ALPK1: variants seen among roughly 807,000 people sequenced by gnomAD.
ALPK1 encodes alpha-protein kinase 1.
Under a neutral mutation model 120.6 loss-of-function variants are expected in ALPK1, and 110 were observed. The observed-to-expected ratio is 0.91, with a 90% CI of 0.78 to 1.07. The LOEUF (loss-of-function observed/expected upper bound fraction) is 1.07, where lower values mean the gene tolerates loss of function less well. Ranked by LOEUF, ALPK1 falls within the 50% of genes least tolerant of loss-of-function variation. The pLI is 0.00. For synonymous variants in ALPK1, 582 were observed against 560.3 expected (o/e 1.04, Z -0.55); for missense variants, 1,498 against 1,483.9 (o/e 1.01, Z -0.16).
chr4:112,356,950 G>A, intron 2 of ALPK1: 1 of 762,930 alleles, frequency 1.3e-6, no homozygotes, highest in Non-Finnish European at 2.4e-6. Flanking sequence ...ACCCGAGTTC[G>A]GGACTGGACG....
At chr4:112,418,976 A>G (rs1283931393) in intron 5 of ALPK1, among the ~76,000 whole-genome samples, 2 of 152,226 alleles carry the variant, frequency 1.3e-5, no homozygotes, top group Non-Finnish European at 2.9e-5. Flanking sequence ...GAATAAACAA[A>G]AACAGTATGA....
At chr4:112,437,178 G>A (rs1051793455) in intron 12 of ALPK1, among the ~76,000 whole-genome samples, 9 of 152,072 alleles carry the variant, frequency 5.9e-5, no homozygotes, top group Admixed American at 5.9e-4. Flanking sequence ...TACGTACATA[G>A]AAATGTCAAT....
chr4:112,379,291 G>A (rs1273033560), intron 3 of ALPK1, among the ~76,000 whole-genome samples: 1 of 152,224 alleles, frequency 6.6e-6, no homozygotes, highest in African/African-American at 2.4e-5. Context: ...GGCAAATCAC[G>A]GCTGTAAAAT....
chr4:112,356,080 A>T, intron 2 of ALPK1: 1 of 1,024,356 alleles, frequency 9.8e-7, no homozygotes, highest in Non-Finnish European at 1.5e-6. Context: ...TTTCTCACAG[A>T]CCCGAATAGC....
intron 2 of ALPK1, among the ~76,000 whole-genome samples, chr4:112,354,554 G>A (rs893194107): frequency 2.0e-5 from 3 of 152,068 alleles, no homozygotes; most frequent in African/African-American, 7.2e-5. Flanking sequence ...TGCAGCCTCC[G>A]CCTCCCAGGT....
intron 2 of ALPK1, among the ~76,000 whole-genome samples, chr4:112,371,617 C>G (rs140106714): frequency 6.6e-6 from 1 of 152,226 alleles, no homozygotes; most frequent in South Asian, 2.1e-4. Flanking sequence ...TAGGTCAAGT[C>G]CTGTTGTTTG....
rs183756428 is a variant in ALPK1 at position 112,303,561 on chromosome 4, C to A, written c.-153+6092C>A. ...TCACTTGGTTCAGGCCATCAGCATC[C>A]TGCACCATACCGTGATCTCCTCCGT... is the stretch of plus-strand genomic sequence containing the variant. On this transcript the variant is annotated intron_variant, in intron 1 of 15. Coordinates refer to ENST00000650871, the MANE Select transcript of ALPK1 (RefSeq NM_025144.4). Among the ~76,000 whole-genome samples the A allele has an allele frequency of 1.1e-4, 16 of 152,276 alleles. 1 individual carries two copies. The East Asian group carries it at 3.1e-3, about 29-fold the overall frequency.
intron 2 of ALPK1, among the ~76,000 whole-genome samples, chr4:112,367,256 C>A (rs1387967575): frequency 1.3e-5 from 2 of 152,030 alleles, no homozygotes; most frequent in Non-Finnish European, 2.9e-5. Flanking sequence ...ACGGTTGATC[C>A]CAACTGTAAT....
intron 4 of ALPK1, among the ~76,000 whole-genome samples, chr4:112,406,596 C>T (rs552985171): frequency 3.3e-5 from 5 of 152,282 alleles, no homozygotes; most frequent in South Asian, 4.1e-4. Context: ...TCTTTCACCA[C>T]TAAACCAAGT....
intron 9 of ALPK1, 164 bp downstream of exon 9, chr4:112,427,829 A>G (rs1734309356): frequency 1.7e-6 from 1 of 589,988 alleles, no homozygotes; most frequent in Non-Finnish European, 3.0e-6. Context: ...GTGGGGTCCT[A>G]TTTGGCTTTA....
At chr4:112,306,301 T>A (rs1379090367) in intron 1 of ALPK1, among the ~76,000 whole-genome samples, 1 of 152,114 alleles carries the variant, frequency 6.6e-6, no homozygotes, top group Non-Finnish European at 1.5e-5. Context: ...TTTCTATTGA[T>A]TGGAATAGTT....
intron 1 of ALPK1, among the ~76,000 whole-genome samples, chr4:112,312,589 A>G (rs1395587756): frequency 2.0e-5 from 3 of 152,224 alleles, no homozygotes; most frequent in Non-Finnish European, 4.4e-5. Flanking sequence ...TTAAAAATAT[A>G]TTAAAGACAA....
At chr4:112,305,620 G>A (rs1360592200) in intron 1 of ALPK1, among the ~76,000 whole-genome samples, 1 of 152,078 alleles carries the variant, frequency 6.6e-6, no homozygotes, top group Non-Finnish European at 1.5e-5. Context: ...GACTGCAGAC[G>A]TTGCCTATCA....
chr4:112,436,480 A>T (rs1734794089), intron 12 of ALPK1, among the ~76,000 whole-genome samples: 1 of 152,206 alleles, frequency 6.6e-6, no homozygotes, highest in Non-Finnish European at 1.5e-5. Flanking sequence ...GGGATTGCAG[A>T]TGTAATTGGT....
At chr4:112,322,926 A>T (rs1225628016) in intron 2 of ALPK1, among the ~76,000 whole-genome samples, 1 of 152,230 alleles carries the variant, frequency 6.6e-6, no homozygotes, top group Non-Finnish European at 1.5e-5. Flanking sequence ...TTGCCAATGT[A>T]AAGTGTTGTT....
Position 112,431,082 on chromosome 4 carries a change from G to A in ALPK1, c.1535G>A (p.Cys512Tyr), listed in dbSNP as rs772725325. The A allele has an allele frequency of 1.3e-5, 21 of 1,614,116 alleles. No homozygotes were observed. The South Asian group carries it at 1.6e-4, about 13-fold the overall frequency. The change falls in exon 11 of 16, where the codon TGT (cysteine) becomes TAT (tyrosine). Residue 512 changes from cysteine to tyrosine, a missense_variant. Transcript: ENST00000650871. Reference protein sequence around the residue: ...TVSTTQEKPHCQRDTGISSSL... With the variant: ...TVSTTQEKPHYQRDTGISSSL... ...AGTACTACTCAAGAAAAGCCACATT[G>A]TCAAAGAGACACAGGAATATCTTCC...
chr4:112,321,118 C>T (rs1163502733), intron 2 of ALPK1, among the ~76,000 whole-genome samples: 3 of 151,986 alleles, frequency 2.0e-5, no homozygotes, highest in South Asian at 4.2e-4. Flanking sequence ...AGGATGGTCT[C>T]GATCTCCCGA....
chr4:112,318,097 G>T (rs1020105034), intron 2 of ALPK1, among the ~76,000 whole-genome samples: 5 of 152,108 alleles, frequency 3.3e-5, no homozygotes, highest in Non-Finnish European at 7.4e-5. Flanking sequence ...ATAAACAATT[G>T]TATTAGTTTA....
At chr4:112,357,285 C>A in intron 2 of ALPK1, 1 of 1,102,690 alleles carries the variant, frequency 9.1e-7, no homozygotes, top group Non-Finnish European at 1.3e-6. Context: ...TTCGCCAACA[C>A]AGCCGGACTG....
Sources: gnomAD v4.1 joint callset for allele counts (sites outside exome capture counted in the v4.1 genomes callset) on GRCh38, gnomAD v4.1.1 for gene constraint, MANE v1.5 for transcripts, NCBI Gene and HGNC (gene_info 2026-07-23, HGNC 2026-07-21) for gene names.